The following DACH2 variants were observed in gnomAD, a reference collection of about 807,000 sequenced individuals.
The protein encoded by DACH2 is dachshund homolog 2.
Under a neutral mutation model 35.8 loss-of-function variants are expected in DACH2, and 17 were observed. The ratio of observed to expected loss-of-function variants is 0.48; its 90% CI spans 0.33 to 0.71. The LOEUF (loss-of-function observed/expected upper bound fraction) is 0.71. Ranked by LOEUF, DACH2 falls within the 30% of genes least tolerant of loss-of-function variation. The pLI is 0.02. For missense variants in DACH2, 469 were observed against 472.7 expected, an observed-to-expected ratio of 0.99 and a Z score of 0.07; for synonymous variants, 195 against 177.3, an observed-to-expected ratio of 1.10 and a Z score of -0.79.
rs560700771 is a variant in DACH2, at chrX:86,733,902, G to A, written c.1105-5845G>A. On this transcript the variant is annotated intron_variant, in intron 6 of 11. Coordinates refer to ENST00000373125, the MANE Select transcript of DACH2 (RefSeq NM_053281.3). ...ATTCACTGACAAGAATCACTACTTG[G>A]GTCTCATTCTAAGTGCTCTATGGAA... 2.1e-4 allele frequency among the ~76,000 whole-genome samples: 23 copies of A among 108,370 alleles called. 1 individual carries two copies. The highest frequency in any genetic ancestry group is 9.3e-3 in the Middle Eastern group (2 of 214). The allele number at this position is 108,370 out of a possible 115,157, so 94.1% of individuals were successfully genotyped here.
chrX:86,537,469 T>C (rs1348796779), intron 3 of DACH2, among the ~76,000 whole-genome samples: 1 of 111,396 alleles, frequency 9.0e-6, no homozygotes, highest in Non-Finnish European at 1.9e-5. Context: ...GCAAACATTT[T>C]CTGGGCCACA....
intron 3 of DACH2, among the ~76,000 whole-genome samples, chrX:86,590,979 A>G (rs1297720578): frequency 1.9e-5 from 2 of 104,798 alleles, no homozygotes; most frequent in African/African-American, 7.1e-5. Flanking sequence ...CCTTCCCCGC[A>G]CCCTACAACA....
chrX:86,718,690 G>T (rs776398078), intron 6 of DACH2, among the ~76,000 whole-genome samples: 12 of 111,675 alleles, frequency 1.1e-4, no homozygotes, highest in Non-Finnish European at 1.1e-4. Flanking sequence ...TCATTCTTCT[G>T]TGTATGGCAA....
chrX:86,397,950 G>A (rs1300149289), intron 2 of DACH2, among the ~76,000 whole-genome samples: 1 of 111,757 alleles, frequency 8.9e-6, no homozygotes, highest in Non-Finnish European at 1.9e-5. Context: ...GATTGGAATA[G>A]TTTCAGAAGG....
chrX:86,605,076 A>G (rs2039839679), intron 3 of DACH2, among the ~76,000 whole-genome samples: 1 of 111,782 alleles, frequency 8.9e-6, no homozygotes, highest in South Asian at 3.7e-4. Flanking sequence ...CAATGATTCT[A>G]GTGAGTCCTG....
In DACH2 at chrX:86,737,884, A is replaced by T. The variant is rs147264545; in HGVS notation, c.1105-1863A>T. On this transcript the variant is annotated intron_variant, in intron 6 of 11. Coordinates refer to ENST00000373125, the MANE Select transcript of DACH2 (RefSeq NM_053281.3). The stretch of plus-strand genomic sequence containing the variant: ...CTAGGTAGTGAGTATAGTGTCTAAT[A>T]GGTAGTTTTTCAGCCCTTTCTCTCT... Among the ~76,000 whole-genome samples, 304 of 111,622 alleles carry T rather than the reference A, an allele frequency of 2.7e-3. 1 individual carries two copies. Among genetic ancestry groups the T allele is most frequent in the African/African-American group, 9.1e-3 (279 of 30,719 alleles).
intron 2 of DACH2, among the ~76,000 whole-genome samples, chrX:86,397,470 G>C (rs1171128850): frequency 9.0e-6 from 1 of 110,989 alleles, no homozygotes; most frequent in African/African-American, 3.3e-5. Context: ...TCTTGTGCCA[G>C]TTTTCAAAGG....
At chrX:86,811,355 A>C (rs1225914255) in intron 7 of DACH2, among the ~76,000 whole-genome samples, 1 of 111,803 alleles carries the variant, frequency 8.9e-6, no homozygotes, top group Non-Finnish European at 1.9e-5. Flanking sequence ...AAGACTCTGC[A>C]CACTGCATAT....
chrX:86,287,997 A>C (rs1417419818), intron 1 of DACH2, among the ~76,000 whole-genome samples: 3 of 111,352 alleles, frequency 2.7e-5, no homozygotes, highest in Non-Finnish European at 5.6e-5. Context: ...TTTTGTATTC[A>C]TCTCAGTCTG....
chrX:86,200,142 A>G (rs1038648678), intron 1 of DACH2, among the ~76,000 whole-genome samples: 2 of 110,766 alleles, frequency 1.8e-5, no homozygotes, highest in African/African-American at 3.3e-5. Flanking sequence ...TTATGGCTGC[A>G]CACCTACAAT....
At chrX:86,675,617 T>C (rs2040817559) in intron 4 of DACH2, among the ~76,000 whole-genome samples, 1 of 111,301 alleles carries the variant, frequency 9.0e-6, no homozygotes, top group Non-Finnish European at 1.9e-5. Context: ...CCAGGGTGGT[T>C]GAGGCTGCAG....
At chrX:86,403,137 GA>G (rs2036464213) in intron 2 of DACH2, among the ~76,000 whole-genome samples, 1 of 112,168 alleles carries the variant, frequency 8.9e-6, no homozygotes, top group Non-Finnish European at 1.9e-5. Context: ...AAAAAACTTT[GA>G]CTAAGTCCTC....
chrX:86,484,994 G>C (rs181154010), intron 2 of DACH2, among the ~76,000 whole-genome samples: 54 of 111,667 alleles, frequency 4.8e-4, no homozygotes, highest in African/African-American at 1.7e-3. Context: ...AGATACAGCT[G>C]TCTCCGTCCA....
intron 3 of DACH2, among the ~76,000 whole-genome samples, chrX:86,644,470 C>T (rs935301978): frequency 1.6e-4 from 17 of 105,102 alleles, no homozygotes; most frequent in African/African-American, 6.0e-4. Context: ...TAGGAAGAAT[C>T]AACTAATTAA....
At chrX:86,691,115 A>C (rs766819895) in intron 4 of DACH2, among the ~76,000 whole-genome samples, 3 of 111,754 alleles carry the variant, frequency 2.7e-5, no homozygotes, top group South Asian at 7.4e-4. Flanking sequence ...CTAGCCTCTT[A>C]GTCATGCCTT....
At chrX:86,806,418 C>T (rs2042345743) in intron 7 of DACH2, among the ~76,000 whole-genome samples, 1 of 111,577 alleles carries the variant, frequency 9.0e-6, no homozygotes, top group South Asian at 3.8e-4. Flanking sequence ...TCATCTCCAA[C>T]ACTGAGGATT....
chrX:86,451,551 G>T lies in DACH2; in HGVS notation c.528-62728G>T, dbSNP rs183028429. Among the ~76,000 whole-genome samples, 17 of 110,960 alleles carry T rather than the reference G, an allele frequency of 1.5e-4. 1 individual carries two copies. In the East Asian group the frequency reaches 4.3e-3, roughly 28 times the overall value. On this transcript the variant is annotated intron_variant, in intron 2 of 11. Coordinates refer to ENST00000373125, the MANE Select transcript of DACH2 (RefSeq NM_053281.3). The stretch of plus-strand genomic sequence containing the variant: ...GTCTGGGCTTTTTGGGCTCTTTTTT[G>T]GTCCCATATGAGTTTTAAAAGTTTT...
chrX:86,598,531 G>T (rs991575188), intron 3 of DACH2, among the ~76,000 whole-genome samples: 1 of 111,292 alleles, frequency 9.0e-6, no homozygotes, highest in Admixed American at 9.5e-5. Flanking sequence ...TCTTTGCAAG[G>T]GTAGTTTTAT....
intron 1 of DACH2, among the ~76,000 whole-genome samples, chrX:86,170,704 G>A (rs192164323): frequency 1.5e-3 from 172 of 112,408 alleles, no homozygotes; most frequent in Admixed American, 3.2e-3. Flanking sequence ...TCAGCTTGTC[G>A]TTGTTAACCC....
Sources: gnomAD v4.1 joint callset for allele counts (sites outside exome capture counted in the v4.1 genomes callset) on GRCh38, gnomAD v4.1.1 for gene constraint, MANE v1.5 for transcripts, NCBI Gene and HGNC (gene_info 2026-07-23, HGNC 2026-07-21) for gene names.